Variants in NBEA observed in about 807,000 individuals in gnomAD.
NBEA encodes the protein lysosomal-trafficking regulator 2.
NBEA carries 44 observed loss-of-function variants against 343.4 expected under a neutral mutation model. That is an observed-to-expected ratio of 0.13 (90% confidence interval 0.10 to 0.16). The LOEUF (loss-of-function observed/expected upper bound fraction) is 0.16. Among genes scored for constraint, NBEA ranks in the 10% least tolerant of loss-of-function variants. The pLI, the probability that NBEA is intolerant of heterozygous loss-of-function variation, is 1.00. For missense variants in NBEA, 2,555 were observed against 3,631.3 expected (o/e 0.70, Z 7.62); for synonymous variants, 1,175 against 1,238.7 (o/e 0.95, Z 1.08).
chr13:35,422,092 G>GTTTT (rs566959976), intron 38 of NBEA, among the ~76,000 whole-genome samples: 1 of 93,144 alleles, frequency 1.1e-5, no homozygotes, highest in Non-Finnish European at 2.0e-5. Flanking sequence ...TTGTTTGTTT[G>GTTTT]TTTTTTTTTT....
At chr13:35,155,656 A>G (rs925555345) in intron 18 of NBEA, 118 bp from the exon 19 acceptor site, 8 of 712,128 alleles carry the variant, frequency 1.1e-5, no homozygotes, top group East Asian at 2.7e-5. Flanking sequence ...TTTAGAAGAG[A>G]TGTTTCTTTT....
rs151116885 is a variant in NBEA, at chr13:35,113,972, A to G, written c.2002+2994A>G. Reference sequence around the variant, plus strand: ...CACATGGATTATGGGACAAATGCCCATAAGTTTTTAATACTATTTTACTTT... The same window carrying G: ...CACATGGATTATGGGACAAATGCCCGTAAGTTTTTAATACTATTTTACTTT... On this transcript the variant is annotated intron_variant, in intron 13 of 58. Transcript: ENST00000379939. Among the ~76,000 whole-genome samples the G allele has an allele frequency of 9.1e-3, 1,391 of 152,282 alleles. 20 individuals are homozygous for G. The highest frequency in any genetic ancestry group is 0.032 in the African/African-American group (1,314 of 41,556).
intron 35 of NBEA, among the ~76,000 whole-genome samples, chr13:35,307,326 T>G (rs531294878): frequency 6.6e-6 from 1 of 152,054 alleles, no homozygotes; most frequent in African/African-American, 2.4e-5. Flanking sequence ...AAACACTGAT[T>G]TATTGAATGA....
chr13:35,486,344 G>A (rs1043872827), intron 41 of NBEA, among the ~76,000 whole-genome samples: 2 of 151,880 alleles, frequency 1.3e-5, no homozygotes, highest in African/African-American at 4.8e-5. Context: ...AATTCAGAGG[G>A]ATAAATTACC....
intron 33 of NBEA, among the ~76,000 whole-genome samples, chr13:35,231,485 A>C (rs1283603388): frequency 6.6e-6 from 1 of 152,116 alleles, no homozygotes; most frequent in Non-Finnish European, 1.5e-5. Context: ...CTAACTGTAC[A>C]TATCGTCTGT....
chr13:35,544,768 A>G (rs2078991839), intron 41 of NBEA, among the ~76,000 whole-genome samples: 1 of 152,206 alleles, frequency 6.6e-6, no homozygotes, highest in Non-Finnish European at 1.5e-5. Context: ...TTCAGTGGTC[A>G]CTTAAGAAAA....
chr13:35,011,584 A>G (rs1455435673), intron 1 of NBEA, among the ~76,000 whole-genome samples: 1 of 152,196 alleles, frequency 6.6e-6, no homozygotes, highest in Admixed American at 6.5e-5. Context: ...TATTGCTAGC[A>G]AAAATTTTTT....
intron 1 of NBEA, among the ~76,000 whole-genome samples, chr13:34,967,333 A>G (rs2059854276): frequency 6.7e-6 from 1 of 149,954 alleles, no homozygotes; most frequent in East Asian, 2.0e-4. Flanking sequence ...TTTAAGTACT[A>G]TTTTTTTCTT....
chr13:35,490,659 G>A (rs188229074), intron 41 of NBEA, among the ~76,000 whole-genome samples: 1 of 152,004 alleles, frequency 6.6e-6, no homozygotes, highest in African/African-American at 2.4e-5. Context: ...CTTTAAACAA[G>A]ACAAAGAACA....
At chr13:35,287,314 T>A (rs1293981021) in intron 34 of NBEA, among the ~76,000 whole-genome samples, 1 of 152,056 alleles carries the variant, frequency 6.6e-6, no homozygotes, top group Non-Finnish European at 1.5e-5. Flanking sequence ...TACAGCTCCT[T>A]TGGGGGCTTC....
chr13:35,583,025 A>G (rs1015309721), intron 45 of NBEA, among the ~76,000 whole-genome samples: 15 of 152,210 alleles, frequency 9.9e-5, no homozygotes, highest in South Asian at 4.1e-4. Context: ...CTTAATTTAT[A>G]GTATGCAACT....
intron 41 of NBEA, among the ~76,000 whole-genome samples, chr13:35,495,846 C>T (rs1291393755): frequency 6.6e-6 from 1 of 152,012 alleles, no homozygotes; most frequent in Non-Finnish European, 1.5e-5. Flanking sequence ...AGTTGACAAA[C>T]TGAACAGCAA....
intron 34 of NBEA, among the ~76,000 whole-genome samples, chr13:35,247,496 C>CT (rs961185503): frequency 3.3e-5 from 5 of 152,212 alleles, no homozygotes; most frequent in Admixed American, 2.0e-4. Flanking sequence ...GCTTGGCTCT[C>CT]TAAATTGTCT....
intron 48 of NBEA, among the ~76,000 whole-genome samples, chr13:35,621,799 T>G (rs2153061145): frequency 1.3e-5 from 2 of 152,334 alleles, no homozygotes; most frequent in African/African-American, 4.8e-5. Context: ...AAACAGTTAT[T>G]ATCCAATGAT....
At chr13:35,215,746 G>C (rs2074032466) in intron 33 of NBEA, among the ~76,000 whole-genome samples, 1 of 151,570 alleles carries the variant, frequency 6.6e-6, no homozygotes, top group African/African-American at 2.4e-5. Context: ...ATGAGATAAT[G>C]TCACTTGTAG....
chr13:35,353,164 G>A (rs757939091), intron 38 of NBEA, among the ~76,000 whole-genome samples: 29 of 152,088 alleles, frequency 1.9e-4, no homozygotes, highest in African/African-American at 7.0e-4. Context: ...GACCTGGTGC[G>A]ATGGCTCACG....
In NBEA at chr13:35,572,892, A is replaced by G. The variant is rs529272566; in HGVS notation, c.7035+5875A>G. 6.1e-4 allele frequency among the ~76,000 whole-genome samples: 93 copies of G among 152,334 alleles called. No homozygotes were observed. In the South Asian group the frequency reaches 0.01, roughly 17 times the overall value. ...GTTAACAACATCTAAAATGAAATTAATTCCATTTACTTGATCATAATCTAC... is the reference window on the plus strand; with the variant it reads ...GTTAACAACATCTAAAATGAAATTAGTTCCATTTACTTGATCATAATCTAC... On this transcript the variant is annotated intron_variant, in intron 45 of 58. Coordinates refer to ENST00000379939, the MANE Select transcript of NBEA (RefSeq NM_001385012.1).
At chr13:35,001,899 A>G (rs1487530528) in intron 1 of NBEA, among the ~76,000 whole-genome samples, 1 of 152,202 alleles carries the variant, frequency 6.6e-6, no homozygotes, top group Non-Finnish European at 1.5e-5. Flanking sequence ...CATTGTATGC[A>G]TTGAAATATC....
At chr13:35,289,707 A>T (rs1478347882) in intron 34 of NBEA, among the ~76,000 whole-genome samples, 1 of 151,908 alleles carries the variant, frequency 6.6e-6, no homozygotes, top group Admixed American at 6.6e-5. Context: ...GCACTGTGCC[A>T]GTGTGTTAAA....
Sources: gnomAD v4.1 joint callset for allele counts (sites outside exome capture counted in the v4.1 genomes callset) on GRCh38, gnomAD v4.1.1 for gene constraint, MANE v1.5 for transcripts, NCBI Gene and HGNC (gene_info 2026-07-23, HGNC 2026-07-21) for gene names.